The following MGAT4C variants were observed in gnomAD, a reference collection of about 807,000 sequenced individuals.
MGAT4C encodes alpha-1,3-mannosyl-glycoprotein 4-beta-N-acetylglucosaminyltransferase C.
MGAT4C carries 19 observed loss-of-function variants against 40.1 expected under a neutral mutation model. The observed-to-expected ratio is 0.47, with a 90% CI of 0.33 to 0.70. The LOEUF is 0.70. Ranked by LOEUF, MGAT4C falls within the 30% of genes least tolerant of loss-of-function variation. The probability of loss-of-function intolerance (pLI) is 0.02; values close to 1 mark genes in which losing one functional copy is unlikely to be tolerated. For synonymous variants in MGAT4C, 181 were observed against 187.1 expected, an observed-to-expected ratio of 0.97 and a Z score of 0.27; for missense variants, 491 against 563.2, an observed-to-expected ratio of 0.87 and a Z score of 1.30.
intron 1 of MGAT4C, among the ~76,000 whole-genome samples, chr12:86,104,953 G>T (rs912040978): frequency 1.3e-5 from 2 of 151,846 alleles, no homozygotes; most frequent in African/African-American, 4.8e-5. Flanking sequence ...ACTGAGTTTT[G>T]TCTCATGTAT....
intron 2 of MGAT4C, among the ~76,000 whole-genome samples, chr12:86,538,828 C>G (rs999110940): frequency 6.6e-6 from 1 of 151,864 alleles, no homozygotes; most frequent in African/African-American, 2.4e-5. Flanking sequence ...AGGATGGTCT[C>G]GATCTTCTGA....
At chr12:86,132,099 G>A (rs1451912342) in intron 1 of MGAT4C, among the ~76,000 whole-genome samples, 1 of 152,120 alleles carries the variant, frequency 6.6e-6, no homozygotes, top group African/African-American at 2.4e-5. Flanking sequence ...CCAGTCTGGG[G>A]AAGTTTGTAC....
chr12:86,012,478 AG>A (rs1168433189), intron 2 of MGAT4C, among the ~76,000 whole-genome samples: 1 of 152,002 alleles, frequency 6.6e-6, no homozygotes, highest in Non-Finnish European at 1.5e-5. Context: ...CAGTGGCTCA[AG>A]CCTGTAATCC....
chr12:86,169,874 A>C (rs1250702985), intron 1 of MGAT4C, among the ~76,000 whole-genome samples: 1 of 152,232 alleles, frequency 6.6e-6, no homozygotes, highest in Non-Finnish European at 1.5e-5. Flanking sequence ...ATGGAATGAA[A>C]AGTATATTAA....
intron 4 of MGAT4C, among the ~76,000 whole-genome samples, chr12:86,316,543 G>C (rs772552188): frequency 6.6e-6 from 1 of 152,162 alleles, no homozygotes; most frequent in Non-Finnish European, 1.5e-5. Context: ...CCATAGGAAA[G>C]AATGAGATCA....
intron 1 of MGAT4C, among the ~76,000 whole-genome samples, chr12:86,226,376 T>A (rs768559179): frequency 6.6e-6 from 1 of 151,976 alleles, no homozygotes; most frequent in Admixed American, 6.6e-5. Context: ...TGAAATTGAG[T>A]ACCTGGGAAT....
chr12:86,605,661 A>C (rs569531462), intron 2 of MGAT4C, among the ~76,000 whole-genome samples: 1 of 152,278 alleles, frequency 6.6e-6, no homozygotes, highest in East Asian at 1.9e-4. Flanking sequence ...AAAGCTGAGC[A>C]ATGGTGAGTA....
At chr12:86,055,825 G>A (rs964770468) in intron 1 of MGAT4C, among the ~76,000 whole-genome samples, 1 of 151,932 alleles carries the variant, frequency 6.6e-6, no homozygotes, top group African/African-American at 2.4e-5. Context: ...TATGATTCAA[G>A]TATCTTTTCA....
intron 3 of MGAT4C, among the ~76,000 whole-genome samples, chr12:86,362,656 G>C (rs985605095): frequency 1.3e-5 from 2 of 151,920 alleles, no homozygotes; most frequent in Non-Finnish European, 2.9e-5. Flanking sequence ...TGCGAGGTCA[G>C]ATCGAGACCA....
At chr12:86,677,694 A>G (rs1288981303) in intron 2 of MGAT4C, among the ~76,000 whole-genome samples, 1 of 152,134 alleles carries the variant, frequency 6.6e-6, no homozygotes, top group Non-Finnish European at 1.5e-5. Flanking sequence ...TAAATATACC[A>G]TGGTAAAACG....
chr12:85,985,125 G>A (rs1885065422), intron 3 of MGAT4C, among the ~76,000 whole-genome samples: 1 of 152,194 alleles, frequency 6.6e-6, no homozygotes, highest in Admixed American at 6.5e-5. Context: ...AGCTAGGCAT[G>A]TGCTAGCTAT....
intron 1 of MGAT4C, among the ~76,000 whole-genome samples, chr12:86,065,583 A>T (rs1894460144): frequency 6.6e-6 from 1 of 152,210 alleles, no homozygotes; most frequent in Admixed American, 6.5e-5. Context: ...GCTATTTATG[A>T]CAAACTGGCA....
intron 1 of MGAT4C, among the ~76,000 whole-genome samples, chr12:86,784,934 A>G (rs1406100521): frequency 6.6e-6 from 1 of 151,996 alleles, no homozygotes; most frequent in Non-Finnish European, 1.5e-5. Context: ...ATGGGAAACC[A>G]TATCAGTTTC....
In MGAT4C at chr12:86,584,280, G is replaced by T. The variant is rs1055672756; in HGVS notation, c.-229+142929C>A. ...ATTGATGAGTTCATAGAGAATTTAG[G>T]ATGTCTCAAACAAAATTAATTTATA... is the stretch of plus-strand genomic sequence containing the variant. On this transcript the variant is annotated intron_variant, in intron 2 of 7. Transcript: ENST00000548651. Among the ~76,000 whole-genome samples, 7 of 150,784 alleles carry T rather than the reference G, an allele frequency of 4.6e-5. No individual in the cohort carries two copies. In the South Asian group the frequency reaches 1.2e-3, roughly 27 times the overall value.
At chr12:86,058,345 C>A (rs1407471731) in intron 1 of MGAT4C, among the ~76,000 whole-genome samples, 1 of 152,076 alleles carries the variant, frequency 6.6e-6, no homozygotes, top group Non-Finnish European at 1.5e-5. Flanking sequence ...ATTTTACAGT[C>A]TGCCAAATAA....
At chr12:85,996,896 G>A (rs900504924) in intron 2 of MGAT4C, among the ~76,000 whole-genome samples, 1 of 152,192 alleles carries the variant, frequency 6.6e-6, no homozygotes, top group East Asian at 1.9e-4. Flanking sequence ...GACTGAACAT[G>A]CAAATACAAA....
chr12:86,024,511 T>C lies in MGAT4C; in HGVS notation c.-7+25163A>G, dbSNP rs546891941. On this transcript the variant is annotated intron_variant, in intron 2 of 4. Coordinates refer to ENST00000611864, the MANE Select transcript of MGAT4C (RefSeq NM_001351288.2). ...TGTAAAATTACTGCTCTTACATTGA[T>C]TTTATAGAAGATATAATTTTCATTT... Among the ~76,000 whole-genome samples the C allele has an allele frequency of 1.2e-3, 178 of 151,952 alleles. 1 individual carries two copies. Among genetic ancestry groups the C allele is most frequent in the African/African-American group, 4.1e-3 (169 of 41,552 alleles).
intron 4 of MGAT4C, among the ~76,000 whole-genome samples, chr12:86,299,790 TA>T (rs1953766756): frequency 6.6e-6 from 1 of 152,188 alleles, no homozygotes; most frequent in Non-Finnish European, 1.5e-5. Flanking sequence ...TAAAGGAGTA[TA>T]TTTTACTTCT....
At chr12:86,602,368 A>G (rs1260099599) in intron 2 of MGAT4C, among the ~76,000 whole-genome samples, 1 of 152,200 alleles carries the variant, frequency 6.6e-6, no homozygotes, top group South Asian at 2.1e-4. Context: ...ATGAAAATCA[A>G]CTTCCTAAAG....
Sources: gnomAD v4.1 joint callset for allele counts (sites outside exome capture counted in the v4.1 genomes callset) on GRCh38, gnomAD v4.1.1 for gene constraint, MANE v1.5 for transcripts, NCBI Gene and HGNC (gene_info 2026-07-23, HGNC 2026-07-21) for gene names.